Variants in FYB2 observed in about 807,000 individuals in gnomAD.
FYB2 encodes the protein FYN-binding protein 2.
FYB2 carries 103 observed loss-of-function variants against 94.1 expected under a neutral mutation model. The observed-to-expected ratio is 1.09, with a 90% CI of 0.93 to 1.29. The LOEUF is 1.29. Ranked by LOEUF, FYB2 falls within the 50% of genes most tolerant of loss-of-function variation. The probability of loss-of-function intolerance (pLI) is 0.00; values close to 1 mark genes in which losing one functional copy is unlikely to be tolerated. For synonymous variants in FYB2, 293 were observed against 287.9 expected (o/e 1.02, Z -0.18); for missense variants, 896 against 841.5 (o/e 1.06, Z -0.80).
intron 17 of FYB2, among the ~76,000 whole-genome samples, chr1:56,721,340 A>G (rs1029196812): frequency 6.6e-6 from 1 of 152,076 alleles, no homozygotes. Context: ...GTATCTATCT[A>G]TAACTATTTA....
chr1:56,776,441 C>G (rs1026438028), intron 4 of FYB2, among the ~76,000 whole-genome samples: 1 of 152,102 alleles, frequency 6.6e-6, no homozygotes, highest in African/African-American at 2.4e-5. Flanking sequence ...AGCACTTTGT[C>G]TTCTAAGTGT....
At chr1:56,770,184 T>C (rs1393809827) in intron 4 of FYB2, among the ~76,000 whole-genome samples, 2 of 152,060 alleles carry the variant, frequency 1.3e-5, no homozygotes, top group Non-Finnish European at 2.9e-5. Context: ...TAGAGAAAAT[T>C]GGCAACTTTA....
intron 1 of FYB2, among the ~76,000 whole-genome samples, chr1:56,808,919 T>A (rs1646704071): frequency 6.6e-6 from 1 of 152,224 alleles, no homozygotes; most frequent in African/African-American, 2.4e-5. Context: ...TTCATTAGCT[T>A]AATCAATAAA....
chr1:56,819,442 C>A, upstream of FYB2: 1 of 1,114,526 alleles, frequency 9.0e-7, no homozygotes, highest in Non-Finnish European at 1.3e-6. Flanking sequence ...CCTGCCCCAT[C>A]TGGGCCGAGG....
chr1:56,811,905 A>T (rs1646777386), intron 1 of FYB2, among the ~76,000 whole-genome samples: 1 of 150,990 alleles, frequency 6.6e-6, no homozygotes, highest in Non-Finnish European at 1.5e-5. Flanking sequence ...TCGACTTTTC[A>T]GTTGTTAAAA....
At chr1:56,813,110 C>T (rs138732692) in intron 1 of FYB2, among the ~76,000 whole-genome samples, 1 of 152,328 alleles carries the variant, frequency 6.6e-6, no homozygotes, top group African/African-American at 2.4e-5. Context: ...CATTGTCTCA[C>T]CACTGTGCAT....
chr1:56,770,324 C>T (rs1570085853), intron 4 of FYB2, among the ~76,000 whole-genome samples: 3 of 152,160 alleles, frequency 2.0e-5, no homozygotes, highest in South Asian at 2.1e-4. Context: ...CACCCTAACT[C>T]GCCTCTCTTC....
intron 4 of FYB2, among the ~76,000 whole-genome samples, chr1:56,772,449 C>G (rs1168408711): frequency 6.6e-6 from 1 of 152,082 alleles, no homozygotes; most frequent in Non-Finnish European, 1.5e-5. Flanking sequence ...ACCTTTATCC[C>G]TGGTCCATTA....
intron 4 of FYB2, among the ~76,000 whole-genome samples, chr1:56,780,425 C>A (rs1048734435): frequency 6.6e-6 from 1 of 152,062 alleles, no homozygotes; most frequent in African/African-American, 2.4e-5. Flanking sequence ...TCTATTAAGC[C>A]TTGCCCTCTT....
At chr1:56,804,638 G>A (rs1177354139) in intron 1 of FYB2, among the ~76,000 whole-genome samples, 1 of 152,116 alleles carries the variant, frequency 6.6e-6, no homozygotes, top group South Asian at 2.1e-4. Context: ...GCTGAGTGGG[G>A]AGGATGGCTT....
chr1:56,806,908 T>C (rs1455723827), intron 1 of FYB2, among the ~76,000 whole-genome samples: 1 of 152,204 alleles, frequency 6.6e-6, no homozygotes, highest in Admixed American at 6.5e-5. Flanking sequence ...GGCTCAAGTT[T>C]AACTTAGTTG....
At chr1:56,757,663 CTT>C (rs1645368202) in intron 6 of FYB2, among the ~76,000 whole-genome samples, 1 of 146,178 alleles carries the variant, frequency 6.8e-6, no homozygotes. Flanking sequence ...CTTTCTTTTT[CTT>C]TCTTTCCTCT....
At chr1:56,807,215 AT>A (rs974714602) in intron 1 of FYB2, among the ~76,000 whole-genome samples, 2 of 152,200 alleles carry the variant, frequency 1.3e-5, no homozygotes, top group Admixed American at 1.3e-4. Context: ...TTAAAGTGCA[AT>A]TTAATGAAAA....
intron 15 of FYB2, 72 bp downstream of exon 15, chr1:56,737,015 G>T: frequency 8.6e-7 from 1 of 1,157,354 alleles, no homozygotes; most frequent in Non-Finnish European, 1.3e-6. Context: ...ATGGTTCTGT[G>T]ATCATAATTA....
At chr1:56,810,013 G>C (rs1453642256) in intron 1 of FYB2, among the ~76,000 whole-genome samples, 3 of 152,050 alleles carry the variant, frequency 2.0e-5, no homozygotes, top group Admixed American at 6.6e-5. Flanking sequence ...TGGATAAAGA[G>C]AGAGGAGAGA....
rs1644436528 is a variant in FYB2, at chr1:56,718,933, A to ATAGT, written c.*734_*737dup. On this transcript the variant is annotated 3_prime_UTR_variant, in exon 20 of 20. Coordinates refer to ENST00000343433, the MANE Select transcript of FYB2 (RefSeq NM_001004303.5). ...AGTACATATGAATGCTATTATTTGAATAGTTATTTGGGCATAGACAAAATA... is the reference window on the plus strand; with the variant it reads ...AGTACATATGAATGCTATTATTTGAATAGTTAGTTATTTGGGCATAGACAAAATA... The ATAGT allele has an allele frequency of 6.6e-6, 1 of 152,630 alleles. No individual in the cohort carries two copies. The highest frequency in any genetic ancestry group is 6.5e-5 in the Admixed American group (1 of 15,278). The allele number at this position is 152,630 out of a possible 1,614,324, so 9.5% of individuals were successfully genotyped here.
chr1:56,746,201 A>C (rs929879770), intron 9 of FYB2, among the ~76,000 whole-genome samples: 2 of 151,844 alleles, frequency 1.3e-5, no homozygotes, highest in Non-Finnish European at 2.9e-5. Flanking sequence ...ACTGCTATAC[A>C]CCCCCATTTC....
At chr1:56,799,846 G>A (rs1646480568) in intron 1 of FYB2, among the ~76,000 whole-genome samples, 2 of 152,202 alleles carry the variant, frequency 1.3e-5, no homozygotes, top group South Asian at 2.1e-4. Context: ...TCATTGCACT[G>A]CACAGCAAGC....
chr1:56,769,366 G>A (rs781672994), intron 4 of FYB2, among the ~76,000 whole-genome samples: 5 of 152,058 alleles, frequency 3.3e-5, no homozygotes, highest in African/African-American at 7.2e-5. Context: ...ATATGAGGAC[G>A]TTACCCAGAA....
Sources: allele counts gnomAD v4.1 joint callset (sites outside exome capture counted in the v4.1 genomes callset), GRCh38; gene constraint gnomAD v4.1.1; transcripts MANE v1.5; gene names NCBI Gene and HGNC (gene_info 2026-07-23, HGNC 2026-07-21).